USP32: variants seen among roughly 807,000 people sequenced by gnomAD.
The protein encoded by USP32 is ubiquitin carboxyl-terminal hydrolase 32.
USP32 carries 59 observed loss-of-function variants against 204.8 expected under a neutral mutation model. The observed-to-expected ratio is 0.29, with a 90% CI of 0.23 to 0.36. The LOEUF is 0.36. Ranked by LOEUF, USP32 falls within the 10% of genes least tolerant of loss-of-function variation. The pLI, the probability that USP32 is intolerant of heterozygous loss-of-function variation, is 1.00. For missense variants in USP32, 1,160 were observed against 1,946.4 expected (o/e 0.60, Z 7.60); for synonymous variants, 517 against 678.4 (o/e 0.76, Z 3.70).
chr17:60,259,091 G>T (rs1307974213), intron 9 of USP32, among the ~76,000 whole-genome samples: 1 of 152,136 alleles, frequency 6.6e-6, no homozygotes, highest in Non-Finnish European at 1.5e-5. Context: ...AGCTAAAATA[G>T]AATATAGCAT....
intron 1 of USP32, among the ~76,000 whole-genome samples, chr17:60,362,244 G>A (rs752103952): frequency 3.3e-5 from 5 of 152,042 alleles, no homozygotes; most frequent in African/African-American, 9.7e-5. Context: ...CAGAAAGTTC[G>A]TATTAACAAG....
intron 1 of USP32, among the ~76,000 whole-genome samples, chr17:60,349,627 T>TATATATATATATATA: frequency 1.6e-5 from 1 of 63,528 alleles, no homozygotes; most frequent in East Asian, 3.8e-4. Flanking sequence ...ATATATATTA[T>TATATATATATATATA]ATATATATAT....
intron 12 of USP32, among the ~76,000 whole-genome samples, chr17:60,234,835 T>A (rs2085678828): frequency 6.6e-6 from 1 of 152,102 alleles, no homozygotes. Context: ...TCTGGGCGTT[T>A]CAAAGTCCCG....
intron 1 of USP32, among the ~76,000 whole-genome samples, chr17:60,403,432 A>G (rs151092952): frequency 2.2e-3 from 335 of 152,300 alleles, no homozygotes; most frequent in African/African-American, 7.2e-3. Flanking sequence ...AATAATATCC[A>G]GAAATGTTGT....
chr17:60,269,368 T>C, intron 7 of USP32, 82 bp downstream of exon 7: 1 of 1,046,050 alleles, frequency 9.6e-7, no homozygotes, highest in Non-Finnish European at 1.4e-6. Flanking sequence ...CAAGCCTTAA[T>C]CCACAGATAA....
chr17:60,225,632 C>G (rs906681038), intron 13 of USP32, among the ~76,000 whole-genome samples: 3 of 151,966 alleles, frequency 2.0e-5, no homozygotes, highest in Non-Finnish European at 2.9e-5. Flanking sequence ...TCACTACAGC[C>G]TCTGTCAAAT....
At chr17:60,249,865 C>T in intron 11 of USP32, 1 of 546,978 alleles carries the variant, frequency 1.8e-6, no homozygotes, top group Non-Finnish European at 3.3e-6. Flanking sequence ...TTTTTTTTAA[C>T]AACGTACTGA....
intron 1 of USP32, among the ~76,000 whole-genome samples, chr17:60,364,381 G>A (rs1343113236): frequency 1.3e-5 from 2 of 152,102 alleles, no homozygotes; most frequent in African/African-American, 4.8e-5. Context: ...GGTTTTTGAG[G>A]GGTTGTCTGT....
chr17:60,409,800 CAT>C (rs1262364565), intron 1 of USP32, among the ~76,000 whole-genome samples: 1 of 152,092 alleles, frequency 6.6e-6, no homozygotes, highest in Non-Finnish European at 1.5e-5. Flanking sequence ...TTGGACCACA[CAT>C]AAAATACACT....
chr17:60,347,527 G>A (rs1481735606), intron 1 of USP32, among the ~76,000 whole-genome samples: 1 of 151,658 alleles, frequency 6.6e-6, no homozygotes, highest in African/African-American at 2.4e-5. Context: ...CTAATTTTTT[G>A]TATTTTTAGT....
intron 30 of USP32, among the ~76,000 whole-genome samples, chr17:60,184,989 C>T (rs1218870985): frequency 1.3e-5 from 2 of 152,188 alleles, no homozygotes; most frequent in Admixed American, 6.5e-5. Flanking sequence ...AAAGAACACA[C>T]AGGCCCTAGT....
intron 2 of USP32, among the ~76,000 whole-genome samples, chr17:60,307,737 AC>A (rs2087759456): frequency 6.6e-6 from 1 of 152,174 alleles, no homozygotes; most frequent in African/African-American, 2.4e-5. Context: ...CTAGGTGAGG[AC>A]AGGCACTCCT....
At chr17:60,243,882 A>G (rs962635141) in intron 11 of USP32, among the ~76,000 whole-genome samples, 8 of 152,166 alleles carry the variant, frequency 5.3e-5, no homozygotes, top group African/African-American at 1.9e-4. Flanking sequence ...TGGCTCCAGT[A>G]ACTTGACTTT....
intron 2 of USP32, among the ~76,000 whole-genome samples, chr17:60,309,589 G>A (rs1567844572): frequency 6.6e-6 from 1 of 152,096 alleles, no homozygotes; most frequent in Non-Finnish European, 1.5e-5. Flanking sequence ...GCAATGAAGT[G>A]AGACACTTTC....
chr17:60,417,374 A>T (rs976294378), intron 1 of USP32, among the ~76,000 whole-genome samples: 3 of 151,764 alleles, frequency 2.0e-5, no homozygotes, highest in East Asian at 3.9e-4. Context: ...TCTAACTCCT[A>T]GGCTCAAAAG....
intron 1 of USP32, among the ~76,000 whole-genome samples, chr17:60,363,922 G>A (rs1471888443): frequency 6.6e-6 from 1 of 152,058 alleles, no homozygotes; most frequent in African/African-American, 2.4e-5. Flanking sequence ...TACAGACAAG[G>A]TTACAAGTTT....
chr17:60,267,188 G>A (rs961857506), intron 7 of USP32, among the ~76,000 whole-genome samples: 2 of 151,732 alleles, frequency 1.3e-5, no homozygotes, highest in Non-Finnish European at 2.9e-5. Flanking sequence ...TGGGCGAATC[G>A]CGAGGTCAGG....
rs766475170 is a variant in USP32, at chr17:60,223,599, A to T, written c.1433-13T>A. On this transcript the variant is annotated splice_polypyrimidine_tract_variant and intron_variant, in intron 13 of 33. Coordinates refer to ENST00000300896, the MANE Select transcript of USP32 (RefSeq NM_032582.4). ...GAATACAGAAAGCCTATAAAAAAAA[A>T]AGAGGATAGAATCTCTTATTTTTAG... 1.3e-6 allele frequency: 2 copies of T among 1,579,004 alleles called. No individual in the cohort carries two copies. Among genetic ancestry groups the T allele is most frequent in the Non-Finnish European group, 1.7e-6 (2 of 1,170,542 alleles).
intron 1 of USP32, among the ~76,000 whole-genome samples, chr17:60,352,560 G>A (rs2088973276): frequency 6.6e-6 from 1 of 152,126 alleles, no homozygotes; most frequent in African/African-American, 2.4e-5. Context: ...TCAGGTACAA[G>A]TTTATGGAAG....
Sources: allele counts gnomAD v4.1 joint callset (sites outside exome capture counted in the v4.1 genomes callset), GRCh38; gene constraint gnomAD v4.1.1; transcripts MANE v1.5; gene names NCBI Gene and HGNC (gene_info 2026-07-23, HGNC 2026-07-21).